SHISAL1: variants seen among roughly 807,000 people sequenced by gnomAD.
SHISAL1 encodes protein shisa-like-1.
Under a neutral mutation model 22.6 loss-of-function variants are expected in SHISAL1, and 9 were observed. The ratio of observed to expected loss-of-function variants is 0.40; its 90% CI spans 0.24 to 0.70. The LOEUF is 0.70. Ranked by LOEUF, SHISAL1 falls within the 30% of genes least tolerant of loss-of-function variation. The pLI is 0.39. For missense variants in SHISAL1, 246 were observed against 270.6 expected (o/e 0.91, Z 0.64); for synonymous variants, 119 against 115.4 (o/e 1.03, Z -0.20).
In SHISAL1 at chr22:44,248,768, TGCTCCCAGCATTGTGCAGGGTGTACCCCG is replaced by T. The variant is rs2055024705; in HGVS notation, c.*888_*916del. 6.6e-6 allele frequency: 1 copy of T among 152,148 alleles called. No individual in the cohort carries two copies. The highest frequency in any genetic ancestry group is 1.5e-5 in the Non-Finnish European group (1 of 68,046). The allele number at this position is 152,148 out of a possible 1,614,324, so 9.4% of individuals were successfully genotyped here. ...GGTGATGGTGGAGGCATCAAGGAGA[TGCTCCCAGCATTGTGCAGGGTGTACCCCG>T]GCTGGCGAGCATGTCACGTCCAGGG... On this transcript the variant is annotated 3_prime_UTR_variant, in exon 5 of 5. Coordinates refer to ENST00000381176, the MANE Select transcript of SHISAL1 (RefSeq NM_001099294.2).
intron 3 of SHISAL1, among the ~76,000 whole-genome samples, chr22:44,291,941 C>T (rs1367859023): frequency 5.3e-5 from 8 of 152,148 alleles, no homozygotes; most frequent in African/African-American, 1.9e-4. Flanking sequence ...ACGTCAGGGC[C>T]CCTGCCCCAC....
chr22:44,308,013 C>T (rs113078976), intron 1 of SHISAL1, among the ~76,000 whole-genome samples: 19 of 152,260 alleles, frequency 1.2e-4, no homozygotes, highest in African/African-American at 4.3e-4. Flanking sequence ...CACGACCAAG[C>T]GCGACACCTC....
chr22:44,329,379 C>G, the SHISAL1 span, among the ~76,000 whole-genome samples: 21 of 152,330 alleles, frequency 1.4e-4, no homozygotes, highest in African/African-American at 4.6e-4. Context: ...CCCTACCCCT[C>G]TCATCTGGTC....
intron 1 of SHISAL1, among the ~76,000 whole-genome samples, chr22:44,307,486 C>T (rs1253514502): frequency 6.6e-6 from 1 of 152,154 alleles, no homozygotes; most frequent in African/African-American, 2.4e-5. Flanking sequence ...GCACATTTAC[C>T]AGAGACAGAT....
chr22:44,260,737 A>G (rs1404944807), intron 4 of SHISAL1, among the ~76,000 whole-genome samples: 1 of 152,172 alleles, frequency 6.6e-6, no homozygotes, highest in Non-Finnish European at 1.5e-5. Flanking sequence ...GGCAGCAGCC[A>G]TGCCCCTCCT....
At chr22:44,261,099 A>ATATATATATATATATATATATATATATG (rs2055120697) in intron 4 of SHISAL1, among the ~76,000 whole-genome samples, 1 of 129,570 alleles carries the variant, frequency 7.7e-6, no homozygotes, top group South Asian at 2.3e-4. Flanking sequence ...ATATATATAT[A>ATATATATATATATATATATATATATATG]CACTATATGG....
chr22:44,254,935 C>T (rs2055073988), intron 4 of SHISAL1, among the ~76,000 whole-genome samples: 1 of 152,168 alleles, frequency 6.6e-6, no homozygotes, highest in Non-Finnish European at 1.5e-5. Flanking sequence ...TCACCAAAGA[C>T]CTCTCTGTTA....
chr22:44,281,415 AGT>A (rs376051436), intron 4 of SHISAL1, among the ~76,000 whole-genome samples: 2 of 151,490 alleles, frequency 1.3e-5, no homozygotes, highest in African/African-American at 4.9e-5. Context: ...TACTGGTGGA[AGT>A]GTGTGTGTGT....
rs1315655485 is a variant in SHISAL1 at position 44,310,124 on chromosome 22, A to G, written c.-33+2627T>C. Among the ~76,000 whole-genome samples, 3 of 152,202 alleles carry G rather than the reference A, an allele frequency of 2.0e-5. No homozygotes were observed. Among genetic ancestry groups the G allele is most frequent in the Non-Finnish European group, 4.4e-5 (3 of 68,036 alleles). On this transcript the variant is annotated intron_variant, in intron 1 of 4. Transcript: ENST00000381176. The surrounding 1 kb of genome is among the most constrained non-coding windows in gnomAD (Gnocchi z 4.0). Reference sequence around the variant, plus strand: ...GCACCTCACACCCTAGTAACGGCCAATGTGACCTGAGCCCTGCTGACCTGA... The same window carrying G: ...GCACCTCACACCCTAGTAACGGCCAGTGTGACCTGAGCCCTGCTGACCTGA...
At chr22:44,263,237 G>C (rs965206677) in intron 4 of SHISAL1, among the ~76,000 whole-genome samples, 10 of 151,832 alleles carry the variant, frequency 6.6e-5, no homozygotes, top group Admixed American at 2.6e-4. Flanking sequence ...CGCCCAGTTA[G>C]TTCTTGTATT....
chr22:44,271,648 G>A (rs1326682257), intron 4 of SHISAL1, among the ~76,000 whole-genome samples: 2 of 152,178 alleles, frequency 1.3e-5, no homozygotes, highest in Non-Finnish European at 2.9e-5. Context: ...GACCCATGTC[G>A]ATGGAGATAA....
intron 4 of SHISAL1, among the ~76,000 whole-genome samples, chr22:44,252,593 T>C (rs191724144): frequency 7.0e-6 from 1 of 143,620 alleles, no homozygotes; most frequent in East Asian, 2.0e-4. Context: ...GCATCTGCCA[T>C]ATCAGTAAAT....
At chr22:44,282,813 A>G (rs532560200) in intron 4 of SHISAL1, among the ~76,000 whole-genome samples, 1 of 152,320 alleles carries the variant, frequency 6.6e-6, no homozygotes, top group South Asian at 2.1e-4. Context: ...TTGCCTGGAC[A>G]TTCTCCAGTG....
chr22:44,307,154 T>G (rs1950568735), intron 1 of SHISAL1, among the ~76,000 whole-genome samples: 1 of 152,168 alleles, frequency 6.6e-6, no homozygotes, highest in Non-Finnish European at 1.5e-5. Context: ...TCCATCCTCC[T>G]GTGGGCCTTG....
At chr22:44,314,884 G>A (rs965322186), upstream of SHISAL1, among the ~76,000 whole-genome samples, 1 of 152,180 alleles carries the variant, frequency 6.6e-6, no homozygotes, top group African/African-American at 2.4e-5. Flanking sequence ...ACATTACGGG[G>A]CATCTCAGCG....
At chr22:44,287,659 G>C (rs926665691) in intron 3 of SHISAL1, among the ~76,000 whole-genome samples, 12 of 152,194 alleles carry the variant, frequency 7.9e-5, no homozygotes, top group African/African-American at 2.9e-4. Context: ...GTTAAAAAGA[G>C]ACTGTTAAAG....
the SHISAL1 span, among the ~76,000 whole-genome samples, chr22:44,323,975 T>G: frequency 6.6e-6 from 1 of 152,232 alleles, no homozygotes; most frequent in South Asian, 2.1e-4. Context: ...ATCATCCCAA[T>G]TTTTAGATGA....
chr22:44,319,589 C>T, the SHISAL1 span, among the ~76,000 whole-genome samples: 12 of 152,324 alleles, frequency 7.9e-5, no homozygotes, highest in African/African-American at 2.9e-4. Context: ...CACGATGTCC[C>T]GGCAGACCCC....
chr22:44,278,809 G>A (rs1455578106), intron 4 of SHISAL1, among the ~76,000 whole-genome samples: 1 of 152,134 alleles, frequency 6.6e-6, no homozygotes, highest in African/African-American at 2.4e-5. Context: ...GCGGCGGGAG[G>A]AGCAGCATAG....
Sources: allele counts gnomAD v4.1 joint callset (sites outside exome capture counted in the v4.1 genomes callset), GRCh38; gene constraint gnomAD v4.1.1; non-coding constraint Gnocchi (gnomAD v3.1); transcripts MANE v1.5; gene names NCBI Gene and HGNC (gene_info 2026-07-23, HGNC 2026-07-21).